CRTAC1: variants seen among roughly 807,000 people sequenced by gnomAD.
CRTAC1 encodes cartilage acidic protein 1.
CRTAC1 carries 37 observed loss-of-function variants against 67.8 expected under a neutral mutation model. The observed-to-expected ratio is 0.55, with a 90% CI of 0.42 to 0.72. The LOEUF is 0.72. Among genes scored for constraint, CRTAC1 ranks in the 30% least tolerant of loss-of-function variants. The probability of loss-of-function intolerance (pLI) is 0.00; values close to 1 mark genes in which losing one functional copy is unlikely to be tolerated. For synonymous variants in CRTAC1, 348 were observed against 371.0 expected, an observed-to-expected ratio of 0.94 and a Z score of 0.71; for missense variants, 780 against 931.6, an observed-to-expected ratio of 0.84 and a Z score of 2.12.
chr10:97,943,694 T>C (rs1045615343), intron 2 of CRTAC1, among the ~76,000 whole-genome samples: 1 of 152,264 alleles, frequency 6.6e-6, no homozygotes, highest in African/African-American at 2.4e-5. Flanking sequence ...CAGCAAACTA[T>C]GGCCTGTGGG....
intron 11 of CRTAC1, among the ~76,000 whole-genome samples, chr10:97,888,323 G>A (rs919274756): frequency 6.6e-6 from 1 of 152,234 alleles, no homozygotes; most frequent in Non-Finnish European, 1.5e-5. Context: ...TGCAGGAGGA[G>A]TAAGAGTTTG....
In CRTAC1 at chr10:97,895,255, G is replaced by T; in HGVS notation, c.1476C>A (p.His492Gln). 6.2e-7 allele frequency: 1 copy of T among 1,611,368 alleles called. No individual in the cohort carries two copies. The highest frequency in any genetic ancestry group is 8.5e-7 in the Non-Finnish European group (1 of 1,179,986). Residue 492 changes from histidine (H) to glutamine (Q), a missense_variant, in exon 11 of 15, where the codon CAC (histidine) becomes CAA (glutamine). By Grantham distance (24) the His-to-Gln change is conservative. Transcript: ENST00000370597. The surrounding 1 kb of genome is among the most constrained non-coding windows in gnomAD (Gnocchi z 4.2). ...GYLCEMEPVAHFGLGKDEASS... is the reference protein window; with the variant it reads ...GYLCEMEPVAQFGLGKDEASS... ...CGGACCCCGACTCACCCAGGCCAAA[G>T]TGTGCCACGGGCTCCATCTCACACA...
At chr10:97,913,343 C>T (rs757774941) in intron 5 of CRTAC1, among the ~76,000 whole-genome samples, 10 of 152,110 alleles carry the variant, frequency 6.6e-5, no homozygotes, top group Non-Finnish European at 1.2e-4. Flanking sequence ...GATACACCCC[C>T]GCTCATCCTT....
At chr10:97,970,113 C>T (rs1297798387) in intron 2 of CRTAC1, among the ~76,000 whole-genome samples, 1 of 152,058 alleles carries the variant, frequency 6.6e-6, no homozygotes, top group African/African-American at 2.4e-5. Flanking sequence ...CCAAAAGCTC[C>T]GAGTCTAACT....
chr10:97,950,130 T>C (rs2136630639), intron 2 of CRTAC1, among the ~76,000 whole-genome samples: 1 of 152,204 alleles, frequency 6.6e-6, no homozygotes, highest in Middle Eastern at 3.4e-3. Context: ...TAAGATTCAG[T>C]TTCCTCATCT....
At chr10:97,910,051 G>C (rs1321883714) in intron 5 of CRTAC1, among the ~76,000 whole-genome samples, 2 of 152,152 alleles carry the variant, frequency 1.3e-5, no homozygotes, top group East Asian at 3.8e-4. Flanking sequence ...TAGGGGCTAG[G>C]GGTAGGGGTG....
chr10:97,939,792 C>T (rs2051145256), intron 2 of CRTAC1, among the ~76,000 whole-genome samples: 1 of 152,118 alleles, frequency 6.6e-6, no homozygotes, highest in Admixed American at 6.5e-5. Context: ...ATGCTTTCCC[C>T]ACCTTCCCAG....
At chr10:98,015,545 C>G (rs144217612) in intron 1 of CRTAC1, among the ~76,000 whole-genome samples, 15 of 152,110 alleles carry the variant, frequency 9.9e-5, no homozygotes, top group Admixed American at 1.3e-4. Flanking sequence ...AATACTAATG[C>G]CTGGGTCTCA....
intron 2 of CRTAC1, among the ~76,000 whole-genome samples, chr10:97,988,881 T>A (rs505456): frequency 0.17 from 25,387 of 152,216 alleles, 2,683 homozygotes; most frequent in African/African-American, 0.3. Flanking sequence ...CCCAGATTAA[T>A]CATTGTTTCT....
chr10:97,936,408 G>A (rs749865991), intron 2 of CRTAC1, 42 bp from the exon 3 acceptor site: 2 of 1,536,264 alleles, frequency 1.3e-6, no homozygotes, highest in Non-Finnish European at 1.8e-6. Context: ...AGGAGCCGCT[G>A]GGCCCACCCA....
At chr10:97,984,379 C>T (rs2051946915) in intron 2 of CRTAC1, among the ~76,000 whole-genome samples, 1 of 152,214 alleles carries the variant, frequency 6.6e-6, no homozygotes, top group Admixed American at 6.5e-5. Context: ...TGCCATTGTT[C>T]CAGACACTTT....
At chr10:97,954,481 C>A (rs1429707075) in intron 2 of CRTAC1, among the ~76,000 whole-genome samples, 1 of 152,124 alleles carries the variant, frequency 6.6e-6, no homozygotes, top group Admixed American at 6.5e-5. Flanking sequence ...CAGATTCTGC[C>A]CTTTGAAGGG....
chr10:97,997,072 C>G (rs1842590754), intron 2 of CRTAC1, among the ~76,000 whole-genome samples: 1 of 103,380 alleles, frequency 9.7e-6, no homozygotes. Context: ...ACATCACACT[C>G]TGGGGACTGT....
chr10:97,942,255 T>C (rs73332575), intron 2 of CRTAC1, among the ~76,000 whole-genome samples: 10,438 of 152,232 alleles, frequency 0.069, 1,159 homozygotes, highest in African/African-American at 0.24. Flanking sequence ...CTCCTGTCTC[T>C]CCATCATCCA....
At chr10:97,992,745 A>G (rs982856011) in intron 2 of CRTAC1, among the ~76,000 whole-genome samples, 3 of 152,228 alleles carry the variant, frequency 2.0e-5, no homozygotes, top group African/African-American at 7.2e-5. Flanking sequence ...AAAAAGTTGA[A>G]TTTATAGAAG....
intron 11 of CRTAC1, among the ~76,000 whole-genome samples, chr10:97,887,984 G>C (rs952231620): frequency 6.6e-6 from 1 of 152,228 alleles, no homozygotes; most frequent in Non-Finnish European, 1.5e-5. Context: ...AGGTGCCAGT[G>C]TTATCATTTC....
At chr10:97,973,294 C>T (rs929450156) in intron 2 of CRTAC1, among the ~76,000 whole-genome samples, 20 of 152,138 alleles carry the variant, frequency 1.3e-4, no homozygotes, top group African/African-American at 4.3e-4. Flanking sequence ...GCCTTGTCTC[C>T]GTCCCACCCT....
chr10:98,021,923 A>T (rs1351887333), intron 1 of CRTAC1, among the ~76,000 whole-genome samples: 3 of 152,214 alleles, frequency 2.0e-5, no homozygotes, highest in Admixed American at 2.0e-4. Context: ...TATGCTATAC[A>T]CATTAATTCT....
chr10:97,865,545 T>A lies in CRTAC1; in HGVS notation c.*3A>T, dbSNP rs532338143. 1.2e-6 allele frequency: 2 copies of A among 1,605,424 alleles called. No individual in the cohort carries two copies. The highest frequency in any genetic ancestry group is 2.7e-5 in the African/African-American group (2 of 74,944). Reference sequence around the variant, plus strand: ...CATCCGCTGGTTCATGTCCCACCCCTGCTCAGCAGCTGGGCTCGCAGCTCT... The same window carrying A: ...CATCCGCTGGTTCATGTCCCACCCCAGCTCAGCAGCTGGGCTCGCAGCTCT... On this transcript the variant is annotated 3_prime_UTR_variant, in exon 15 of 15. Transcript: ENST00000370597.
Sources: allele counts gnomAD v4.1 joint callset (sites outside exome capture counted in the v4.1 genomes callset), GRCh38; gene constraint gnomAD v4.1.1; non-coding constraint Gnocchi (gnomAD v3.1); transcripts MANE v1.5; gene names NCBI Gene and HGNC (gene_info 2026-07-23, HGNC 2026-07-21).